MINDY4: variants seen among roughly 807,000 people sequenced by gnomAD.
The protein encoded by MINDY4 is probable ubiquitin carboxyl-terminal hydrolase MINDY-4.
Under a neutral mutation model 87.0 loss-of-function variants are expected in MINDY4, and 68 were observed. That is an observed-to-expected ratio of 0.78 (90% CI 0.64 to 0.96). The LOEUF is 0.96. Ranked by LOEUF, MINDY4 falls within the 40% of genes least tolerant of loss-of-function variation. The probability of loss-of-function intolerance (pLI) is 0.00; values close to 1 mark genes in which losing one functional copy is unlikely to be tolerated. For synonymous variants in MINDY4, 379 were observed against 363.2 expected (o/e 1.04, Z -0.50); for missense variants, 919 against 928.2 (o/e 0.99, Z 0.13).
At chr7:30,877,856 T>G in intron 15 of MINDY4, among the ~76,000 whole-genome samples, 1 of 112,744 alleles carries the variant, frequency 8.9e-6, no homozygotes, top group Non-Finnish European at 1.7e-5. Context: ...TTTTTTTTTT[T>G]TTAAGTAGAG....
chr7:30,785,379 CAGT>C (rs139681722), intron 3 of MINDY4, among the ~76,000 whole-genome samples: 69 of 152,276 alleles, frequency 4.5e-4, no homozygotes, highest in African/African-American at 1.5e-3. Flanking sequence ...CCACGCCTCT[CAGT>C]GGTGTGCGGC....
At chr7:30,821,588 C>T (rs942644362) in intron 5 of MINDY4, among the ~76,000 whole-genome samples, 1 of 152,170 alleles carries the variant, frequency 6.6e-6, no homozygotes, top group Admixed American at 6.5e-5. Context: ...ATTTGAATCT[C>T]ATGTTTCTAT....
At chr7:30,805,820 AAAG>A (rs1787789690) in intron 5 of MINDY4, among the ~76,000 whole-genome samples, 2 of 152,170 alleles carry the variant, frequency 1.3e-5, no homozygotes, top group African/African-American at 2.4e-5. Flanking sequence ...GCAGCTCAAG[AAAG>A]AAGAAGGTTA....
At chr7:30,794,845 G>A (rs572375360) in intron 5 of MINDY4, among the ~76,000 whole-genome samples, 5 of 151,990 alleles carry the variant, frequency 3.3e-5, no homozygotes, top group African/African-American at 1.2e-4. Flanking sequence ...TCTAACCCTC[G>A]TCTCTCTCTC....
intron 8 of MINDY4, among the ~76,000 whole-genome samples, chr7:30,839,662 T>C (rs966664539): frequency 6.6e-6 from 1 of 152,008 alleles, no homozygotes. Context: ...AGGCTGATCA[T>C]TGAGAGATTC....
At chr7:30,793,650 G>C (rs1433551151) in intron 5 of MINDY4, among the ~76,000 whole-genome samples, 4 of 152,042 alleles carry the variant, frequency 2.6e-5, no homozygotes, top group Admixed American at 1.3e-4. Flanking sequence ...TGAACTCCTG[G>C]GCTCAAGCCA....
At chr7:30,778,794 A>G (rs963730569) in intron 2 of MINDY4, among the ~76,000 whole-genome samples, 1 of 152,158 alleles carries the variant, frequency 6.6e-6, no homozygotes, top group Non-Finnish European at 1.5e-5. Context: ...CTCATTTTGA[A>G]CAGAGCCTGT....
In MINDY4 at chr7:30,791,199, C is replaced by T; in HGVS notation, c.698C>T (p.Ser233Leu). The T allele has an allele frequency of 6.2e-7, 1 of 1,613,872 alleles. No homozygotes were observed. Residue 233 changes from serine (S) to leucine (L), a missense_variant, in exon 5 of 18, where the codon TCA (serine) becomes TTA (leucine). Coordinates refer to ENST00000265299, the MANE Select transcript of MINDY4 (RefSeq NM_032222.3). ...SFHRHYLRRS[S>L]PSSSSTQPQE... Reference sequence around the variant, plus strand: ...CACAGACACTATCTGAGACGGTCCTCACCGTCAAGCAGCTCCACCCAACCC... The same window carrying T: ...CACAGACACTATCTGAGACGGTCCTTACCGTCAAGCAGCTCCACCCAACCC...
At chr7:30,786,950 C>G (rs112185453) in intron 4 of MINDY4, among the ~76,000 whole-genome samples, 7 of 152,178 alleles carry the variant, frequency 4.6e-5, no homozygotes, top group East Asian at 1.9e-4. Flanking sequence ...AATCAGGGAG[C>G]CTGAGCCAAT....
intron 5 of MINDY4, among the ~76,000 whole-genome samples, chr7:30,820,007 T>C (rs1788278167): frequency 6.9e-6 from 1 of 145,676 alleles, no homozygotes; most frequent in African/African-American, 2.5e-5. Context: ...GTTCACGCCA[T>C]TCTCCTGCCT....
In MINDY4 at chr7:30,791,443, A is replaced by G; in HGVS notation, c.942A>G (p.Pro314=). The change falls in exon 5 of 18, where the codon CCA becomes CCG. Residue 314 remains proline (P), a synonymous_variant. Coordinates refer to ENST00000265299, the MANE Select transcript of MINDY4 (RefSeq NM_032222.3). ...ARPRDPSEDT[P]AVDGSTDTDR... ...CGAGGGATCCCTCCGAGGACACCCC[A>G]GCAGTGGACGGCAGCACAGACACGG... 1 of 1,614,104 alleles carries G rather than the reference A, an allele frequency of 6.2e-7. No individual in the cohort carries two copies. The highest frequency in any genetic ancestry group is 2.2e-5 in the East Asian group (1 of 44,840).
rs574614276 is a variant in MINDY4, at chr7:30,838,257, G to C, written c.1240-943G>C. On this transcript the variant is annotated intron_variant, in intron 7 of 17. Coordinates refer to ENST00000265299, the MANE Select transcript of MINDY4 (RefSeq NM_032222.3). ...GGTGATGCGTGGGTTGATGGGAAAT[G>C]AACAGTGAACTCATTATCAGCCAGA... 4.6e-5 allele frequency among the ~76,000 whole-genome samples: 7 copies of C among 152,292 alleles called. No individual in the cohort carries two copies. The South Asian group carries it at 1.2e-3, about 27-fold the overall frequency.
At chr7:30,832,449 A>G (rs988724871) in intron 6 of MINDY4, among the ~76,000 whole-genome samples, 4 of 152,184 alleles carry the variant, frequency 2.6e-5, no homozygotes, top group Middle Eastern at 3.2e-3. Context: ...TCCAGAGAAC[A>G]TTCTCAATGT....
intron 3 of MINDY4, among the ~76,000 whole-genome samples, 170 bp downstream of exon 3, chr7:30,782,382 A>G (rs1787033350): frequency 1.3e-5 from 2 of 151,876 alleles, no homozygotes; most frequent in South Asian, 4.2e-4. Flanking sequence ...GCATGTATCT[A>G]TATGCATATG....
intron 15 of MINDY4, among the ~76,000 whole-genome samples, chr7:30,879,248 C>T (rs1357916465): frequency 6.6e-6 from 1 of 152,154 alleles, no homozygotes; most frequent in African/African-American, 2.4e-5. Flanking sequence ...TCCAGTATGG[C>T]TGGTATCCTC....
At chr7:30,795,995 C>G (rs1787474562) in intron 5 of MINDY4, among the ~76,000 whole-genome samples, 1 of 152,156 alleles carries the variant, frequency 6.6e-6, no homozygotes, top group Non-Finnish European at 1.5e-5. Flanking sequence ...CATCTGCAAC[C>G]TTAATCCCCC....
chr7:30,835,799 T>C (rs1242493417), intron 6 of MINDY4, among the ~76,000 whole-genome samples: 1 of 152,242 alleles, frequency 6.6e-6, no homozygotes, highest in Non-Finnish European at 1.5e-5. Flanking sequence ...TGCCTTGGCA[T>C]TGTTTCTCCC....
intron 17 of MINDY4, among the ~76,000 whole-genome samples, chr7:30,889,656 G>T (rs1790738241): frequency 6.6e-6 from 1 of 152,214 alleles, no homozygotes; most frequent in Non-Finnish European, 1.5e-5. Flanking sequence ...CTCTGGATCT[G>T]CTTGACACAC....
At chr7:30,772,335 C>G (rs1357115735) in intron 1 of MINDY4, among the ~76,000 whole-genome samples, 1 of 152,058 alleles carries the variant, frequency 6.6e-6, no homozygotes, top group Non-Finnish European at 1.5e-5. Context: ...AACACATACA[C>G]GTAATTTTTT....
Sources: gnomAD v4.1 joint callset for allele counts (sites outside exome capture counted in the v4.1 genomes callset) on GRCh38, gnomAD v4.1.1 for gene constraint, MANE v1.5 for transcripts, NCBI Gene and HGNC (gene_info 2026-07-23, HGNC 2026-07-21) for gene names.